The following THNSL1 variants were observed in gnomAD, a reference collection of about 807,000 sequenced individuals.
THNSL1 encodes threonine synthase-like 1.
Under a neutral mutation model 50.4 loss-of-function variants are expected in THNSL1, and 48 were observed. The ratio of observed to expected loss-of-function variants is 0.95; its 90% CI spans 0.76 to 1.21. The LOEUF is 1.21. Among genes scored for constraint, THNSL1 ranks in the 50% most tolerant of loss-of-function variants. The probability of loss-of-function intolerance (pLI) is 0.00; values close to 1 mark genes in which losing one functional copy is unlikely to be tolerated. For missense variants in THNSL1, 896 were observed against 871.7 expected (o/e 1.03, Z -0.35); for synonymous variants, 309 against 306.1 (o/e 1.01, Z -0.10).
chr10:24,967,052 A>G, the THNSL1 span, among the ~76,000 whole-genome samples: 2 of 152,126 alleles, frequency 1.3e-5, no homozygotes. Flanking sequence ...AGTTATGAAC[A>G]AGGTCTGCTG....
the THNSL1 span, among the ~76,000 whole-genome samples, chr10:24,959,082 A>G: frequency 2.0e-5 from 3 of 152,352 alleles, no homozygotes; most frequent in South Asian, 4.1e-4. Context: ...ACTGATTAGC[A>G]TCTGAGGGTC....
chr10:25,010,412 CA>C, the THNSL1 span, among the ~76,000 whole-genome samples: 1 of 151,944 alleles, frequency 6.6e-6, no homozygotes, highest in African/African-American at 2.4e-5. Context: ...TATGTATTCA[CA>C]AAGATATGGT....
chr10:24,991,494 A>G, the THNSL1 span, among the ~76,000 whole-genome samples: 9 of 152,028 alleles, frequency 5.9e-5, no homozygotes, highest in East Asian at 2.0e-4. Flanking sequence ...GGCTGTTGAC[A>G]GGGGCGTGCC....
chr10:24,962,141 G>T, the THNSL1 span, among the ~76,000 whole-genome samples: 1 of 152,266 alleles, frequency 6.6e-6, no homozygotes, highest in Middle Eastern at 3.4e-3. Context: ...ATCTGTAAAA[G>T]CTTCATCATG....
At chr10:24,996,459 T>C in the THNSL1 span, among the ~76,000 whole-genome samples, 22 of 142,152 alleles carry the variant, frequency 1.5e-4, no homozygotes, top group African/African-American at 6.0e-4. Context: ...TGTGTGTGTA[T>C]ATATATATAT....
upstream of THNSL1, among the ~76,000 whole-genome samples, chr10:25,014,511 A>C (rs181766362): frequency 9.0e-4 from 136 of 151,908 alleles, no homozygotes; most frequent in East Asian, 7.7e-3. Flanking sequence ...TGTTCCTATA[A>C]ATTTTTTTTG....
At position 25,024,302 on chromosome 10, in the gene THNSL1, A is replaced by T; in HGVS notation, c.1079A>T (p.His360Leu). The part of the protein sequence containing the change: ...FKDLSLQLMP[H>L]IFAHCIPPSC... ...GATTTGTCTTTACAGCTTATGCCTC[A>T]TATTTTTGCACACTGTATCCCACCA... The change falls in exon 3 of 3, where the codon CAT (histidine) becomes CTT (leucine). Residue 360 changes from histidine to leucine, a missense_variant. Transcript: ENST00000376356. 1 of 1,614,188 alleles carries T rather than the reference A, an allele frequency of 6.2e-7. No individual in the cohort carries two copies. The highest frequency in any genetic ancestry group is 8.5e-7 in the Non-Finnish European group (1 of 1,180,026).
chr10:24,978,025 T>C, the THNSL1 span, among the ~76,000 whole-genome samples: 5 of 152,204 alleles, frequency 3.3e-5, no homozygotes, highest in African/African-American at 9.6e-5. Context: ...TTGTTTCCTA[T>C]ATAGGCACCT....
chr10:24,953,003 C>T, the THNSL1 span, among the ~76,000 whole-genome samples: 2 of 152,022 alleles, frequency 1.3e-5, no homozygotes, highest in Admixed American at 6.5e-5. Flanking sequence ...CCAGATCCAC[C>T]GTCCCAGCCC....
the THNSL1 span, among the ~76,000 whole-genome samples, chr10:24,986,011 T>C: frequency 6.6e-6 from 1 of 152,054 alleles, no homozygotes; most frequent in African/African-American, 2.4e-5. Context: ...GAGGCTGCAG[T>C]GAGCGATGAT....
chr10:24,955,700 T>G, the THNSL1 span, among the ~76,000 whole-genome samples: 1 of 152,156 alleles, frequency 6.6e-6, no homozygotes, highest in East Asian at 1.9e-4. Flanking sequence ...ATACCAGCAC[T>G]TCGGGAGGCC....
the THNSL1 span, chr10:24,984,190 A>G: frequency 1.6e-6 from 1 of 606,994 alleles, no homozygotes; most frequent in East Asian, 2.8e-5. Context: ...AGTGTTACGA[A>G]TACTGAAAAT....
the THNSL1 span, among the ~76,000 whole-genome samples, chr10:24,968,249 T>G: frequency 2.0e-5 from 3 of 152,202 alleles, no homozygotes; most frequent in African/African-American, 4.8e-5. Flanking sequence ...TGTTGCCTTT[T>G]TCCTTTGTCT....
chr10:25,010,648 T>G, the THNSL1 span, among the ~76,000 whole-genome samples: 6 of 145,494 alleles, frequency 4.1e-5, no homozygotes, highest in East Asian at 4.6e-4. Flanking sequence ...CCTGTGTCCA[T>G]GTGTTCTCAT....
chr10:25,023,239 C>G lies in THNSL1; in HGVS notation c.16C>G (p.Arg6Gly), dbSNP rs145170378. The G allele has an allele frequency of 6.2e-6, 10 of 1,611,436 alleles. No individual in the cohort carries two copies. The East Asian group carries it at 2.0e-4, about 32-fold the overall frequency. The stretch of plus-strand genomic sequence containing the variant: ...TGAAAAGAGAATGCTCCACTTTAAC[C>G]GATGTCATCATCTGAAAAAGATAAC... MLHFN[R>G]CHHLKKITQK... Residue 6 changes from arginine to glycine, a missense_variant, in exon 3 of 3, where the codon CGA (arginine) becomes GGA (glycine). Coordinates refer to ENST00000376356, the MANE Select transcript of THNSL1 (RefSeq NM_024838.5).
Position 25,024,661 on chromosome 10 carries a change from G to A in THNSL1, c.1438G>A (p.Val480Ile), listed in dbSNP as rs1343615567. The part of the protein sequence containing the change: ...SINWGRLLPQ[V>I]VYHASAYLDL... ...AAACTGGGGCCGACTACTTCCGCAG[G>A]TAGTTTATCATGCTTCCGCATATCT... Residue 480 changes from valine to isoleucine, a missense_variant, in exon 3 of 3, where the codon GTA (valine) becomes ATA (isoleucine). By Grantham distance (29) the Val-to-Ile change is conservative. Coordinates refer to ENST00000376356, the MANE Select transcript of THNSL1 (RefSeq NM_024838.5). The A allele has an allele frequency of 6.2e-7, 1 of 1,614,200 alleles. No homozygotes were observed. The highest frequency in any genetic ancestry group is 1.7e-5 in the Admixed American group (1 of 60,024).
At chr10:25,003,026 T>C in the THNSL1 span, among the ~76,000 whole-genome samples, 1 of 152,142 alleles carries the variant, frequency 6.6e-6, no homozygotes, top group Admixed American at 6.5e-5. Flanking sequence ...CCATCTATTA[T>C]AGAAAATAAG....
chr10:25,019,520 A>G (rs888122427), intron 1 of THNSL1, among the ~76,000 whole-genome samples: 2 of 152,196 alleles, frequency 1.3e-5, no homozygotes, highest in Non-Finnish European at 2.9e-5. Context: ...AAAATACCAC[A>G]AACAAAAAAG....
chr10:24,968,963 T>C, the THNSL1 span, among the ~76,000 whole-genome samples: 4 of 152,318 alleles, frequency 2.6e-5, no homozygotes, highest in East Asian at 3.9e-4. Context: ...GTGTGACCTC[T>C]GCTCACTGCA....
Sources: allele counts gnomAD v4.1 joint callset (sites outside exome capture counted in the v4.1 genomes callset), GRCh38; gene constraint gnomAD v4.1.1; transcripts MANE v1.5; gene names NCBI Gene and HGNC (gene_info 2026-07-23, HGNC 2026-07-21).